The following NDFIP2 variants were observed in gnomAD, a reference collection of about 807,000 sequenced individuals.
NDFIP2 encodes the protein Nedd4 family interacting protein 2, also known as NEDD4 family-interacting protein 2.
Under a neutral mutation model 36.0 loss-of-function variants are expected in NDFIP2, and 19 were observed. The ratio of observed to expected loss-of-function variants is 0.53; its 90% CI spans 0.37 to 0.77. The LOEUF (loss-of-function observed/expected upper bound fraction) is 0.77. Ranked by LOEUF, NDFIP2 falls within the 30% of genes least tolerant of loss-of-function variation. NDFIP2 has a pLI of 0.00. For synonymous variants in NDFIP2, 181 were observed against 167.7 expected (o/e 1.08, Z -0.61); for missense variants, 446 against 435.8 (o/e 1.02, Z -0.21).
rs969308388 is a variant in NDFIP2 at position 79,548,530 on chromosome 13, G to A, written c.907+136G>A. ...CTCATATTCAAACACATCATCTCAC[G>A]TTTTTAAACTATTCTATATAGCACT... On this transcript the variant is annotated intron_variant, in intron 6 of 7. Transcript: ENST00000218652. 5.8e-5 allele frequency: 41 copies of A among 702,022 alleles called. No individual in the cohort carries two copies. The Middle Eastern group carries it at 9.1e-4, about 16-fold the overall frequency. 43.5% of individuals were successfully genotyped at this position (702,022 alleles called of 1,614,324 possible). A position where few individuals can be genotyped will look rare whatever the true frequency, so the allele number is the denominator to read the frequency against.
chr13:79,533,608 C>A, intron 3 of NDFIP2, 152 bp downstream of exon 3: 2 of 537,176 alleles, frequency 3.7e-6, no homozygotes, highest in Non-Finnish European at 3.0e-6. Flanking sequence ...TACTTGTATG[C>A]AGATTGTTTT....
intron 7 of NDFIP2, among the ~76,000 whole-genome samples, chr13:79,551,565 A>G (rs1473174635): frequency 6.6e-6 from 1 of 151,502 alleles, no homozygotes; most frequent in Non-Finnish European, 1.5e-5. Flanking sequence ...TTGAAAAACA[A>G]TTTGTCTTGC....
At chr13:79,519,463 G>A (rs1218073001) in intron 1 of NDFIP2, among the ~76,000 whole-genome samples, 1 of 152,156 alleles carries the variant, frequency 6.6e-6, no homozygotes, top group South Asian at 2.1e-4. Context: ...GTGAGGAATG[G>A]CCATTTCAAA....
rs994532026 is a variant in NDFIP2 at position 79,554,176 on chromosome 13, A to C, written c.*1663A>C. ...TATTAAAATTTTTATTGTTGTATTA[A>C]AGTACCTGTGTTACACCCCTTGAAG... On this transcript the variant is annotated 3_prime_UTR_variant, in exon 8 of 8. Transcript: ENST00000218652. 2.0e-5 allele frequency: 3 copies of C among 151,536 alleles called. No individual in the cohort carries two copies. The highest frequency in any genetic ancestry group is 4.4e-5 in the Non-Finnish European group (3 of 67,606). 9.4% of individuals were successfully genotyped at this position (151,536 alleles called of 1,614,324 possible).
intron 1 of NDFIP2, among the ~76,000 whole-genome samples, chr13:79,512,452 A>G (rs565954972): frequency 5.0e-4 from 74 of 146,970 alleles, no homozygotes; most frequent in Admixed American, 2.5e-3. Flanking sequence ...GCTTTTGAGG[A>G]AAAAAAAAAA....
chr13:79,502,732 A>G (rs1159974695), intron 1 of NDFIP2, among the ~76,000 whole-genome samples: 1 of 152,160 alleles, frequency 6.6e-6, no homozygotes, highest in Non-Finnish European at 1.5e-5. Context: ...TGAAAGCCAC[A>G]TGGTAATGAA....
chr13:79,497,069 T>G (rs1873461068), intron 1 of NDFIP2, among the ~76,000 whole-genome samples: 1 of 152,038 alleles, frequency 6.6e-6, no homozygotes, highest in African/African-American at 2.4e-5. Context: ...TTTTGAGTAT[T>G]CTAGTAATTT....
At chr13:79,532,454 G>C (rs1875053463) in intron 2 of NDFIP2, among the ~76,000 whole-genome samples, 1 of 152,136 alleles carries the variant, frequency 6.6e-6, no homozygotes, top group Non-Finnish European at 1.5e-5. Context: ...TAAGTCTAAT[G>C]AGTTGATTGA....
intron 1 of NDFIP2, among the ~76,000 whole-genome samples, chr13:79,483,476 C>G (rs1251889975): frequency 6.6e-6 from 1 of 152,132 alleles, no homozygotes. Context: ...ATGAACACAA[C>G]TATTTTGTGG....
chr13:79,520,325 C>T (rs1316505013), intron 1 of NDFIP2, among the ~76,000 whole-genome samples: 2 of 152,058 alleles, frequency 1.3e-5, no homozygotes, highest in Non-Finnish European at 2.9e-5. Flanking sequence ...TATGTAATAA[C>T]TCTACTGTTA....
At position 79,481,504 on chromosome 13, in the gene NDFIP2, G is replaced by A; in HGVS notation, c.301G>A (p.Gly101Arg). The change falls in exon 1 of 8, where the codon GGG becomes AGG. Residue 101 changes from glycine (G) to arginine (R), a missense_variant. By Grantham distance (125) the Gly-to-Arg change is moderately radical (BLOSUM62 -2). Transcript: ENST00000218652. ...EPGRMDHHQP[G>R]TGRYQVLLNE... Reference sequence around the variant, plus strand: ...GGGCAGGATGGATCACCACCAGCCGGGGACTGGGCGCTACCAGGTGGTGAG... The same window carrying A: ...GGGCAGGATGGATCACCACCAGCCGAGGACTGGGCGCTACCAGGTGGTGAG... 6.4e-7 allele frequency: 1 copy of A among 1,553,558 alleles called. No homozygotes were observed. Among genetic ancestry groups the A allele is most frequent in the Non-Finnish European group, 8.7e-7 (1 of 1,148,344 alleles).
intron 1 of NDFIP2, among the ~76,000 whole-genome samples, chr13:79,505,400 C>G (rs550321881): frequency 6.6e-6 from 1 of 152,164 alleles, no homozygotes; most frequent in South Asian, 2.1e-4. Context: ...GAGGCCAACA[C>G]AGGGGTATTG....
Position 79,481,382 on chromosome 13 carries a change from G to A in NDFIP2, c.179G>A (p.Gly60Asp), listed in dbSNP as rs934182725. 4 of 1,555,000 alleles carry A rather than the reference G, an allele frequency of 2.6e-6. No individual in the cohort carries two copies. The highest frequency in any genetic ancestry group is 2.4e-5 in the South Asian group (2 of 84,482). Residue 60 changes from glycine (G) to aspartate (D), a missense_variant, in exon 1 of 8, where the codon GGC becomes GAC. By Grantham distance (94) the Gly-to-Asp change is moderately conservative. Around this residue, in one of 2 missense-constraint regions of NDFIP2, gnomAD observed 369 missense variants for 304.8 expected, o/e 1.21. Transcript: ENST00000218652. ...PPGDRGCRNG[G>D]GRGPAATTSS... ...GGAGACCGCGGCTGCAGGAACGGAG[G>A]CGGAAGGGGCCCTGCGGCGACGACG... is the stretch of plus-strand genomic sequence containing the variant.
intron 1 of NDFIP2, among the ~76,000 whole-genome samples, chr13:79,507,856 A>G (rs968344161): frequency 2.0e-5 from 3 of 151,974 alleles, no homozygotes; most frequent in Non-Finnish European, 4.4e-5. Flanking sequence ...AAATGAAATA[A>G]AGTTTTACAT....
rs1018778068 is a variant in NDFIP2, at chr13:79,554,559, A to G, written c.*2046A>G. 6.6e-6 allele frequency: 1 copy of G among 151,868 alleles called. No homozygotes were observed. The highest frequency in any genetic ancestry group is 1.5e-5 in the Non-Finnish European group (1 of 67,792). 9.4% of individuals were successfully genotyped at this position (151,868 alleles called of 1,614,324 possible). A position where few individuals can be genotyped will look rare whatever the true frequency, so the allele number is the denominator to read the frequency against. ...TTTCCCCCCAAATCTGTAAGGTTCA[A>G]GTATACATATTACTGAATCCTCTAT... On this transcript the variant is annotated 3_prime_UTR_variant, in exon 8 of 8. Transcript: ENST00000218652.
chr13:79,546,318 A>G (rs554628229), intron 5 of NDFIP2, among the ~76,000 whole-genome samples: 16 of 152,272 alleles, frequency 1.1e-4, no homozygotes, highest in African/African-American at 3.8e-4. Flanking sequence ...TAGCCTTCTG[A>G]TACTACTTCT....
At position 79,481,306 on chromosome 13, in the gene NDFIP2, G is replaced by A. The variant is rs2079810267; in HGVS notation, c.103G>A (p.Glu35Lys). The A allele has an allele frequency of 6.5e-7, 1 of 1,541,854 alleles. No individual in the cohort carries two copies. Among genetic ancestry groups the A allele is most frequent in the East Asian group, 2.4e-5 (1 of 40,964 alleles). ...ELLRGTATNA[E>K]VSAAAAGATG... The stretch of plus-strand genomic sequence containing the variant: ...TCTCCGCGGAACCGCGACCAACGCG[G>A]AGGTCTCGGCGGCCGCTGCGGGAGC... Residue 35 changes from glutamate to lysine, a missense_variant, in exon 1 of 8, where the codon GAG becomes AAG. Glu to Lys is a moderately conservative substitution (Grantham distance 56). This residue lies in a region of NDFIP2 where 369 missense variants were observed against 304.8 expected (regional missense o/e 1.21). Coordinates refer to ENST00000218652, the MANE Select transcript of NDFIP2 (RefSeq NM_019080.3).
chr13:79,493,383 T>C (rs1032644708), intron 1 of NDFIP2, among the ~76,000 whole-genome samples: 1 of 152,214 alleles, frequency 6.6e-6, no homozygotes, highest in Admixed American at 6.5e-5. Context: ...TTTGCTTTTA[T>C]AATAGTGCTG....
intron 1 of NDFIP2, among the ~76,000 whole-genome samples, chr13:79,483,971 C>CTAGA (rs2079829282): frequency 6.6e-6 from 1 of 152,058 alleles, no homozygotes; most frequent in Non-Finnish European, 1.5e-5. Context: ...CTTGCAGCTG[C>CTAGA]TAGACCACAT....
Sources: gnomAD v4.1 joint callset for allele counts (sites outside exome capture counted in the v4.1 genomes callset) on GRCh38, gnomAD v4.1.1 for gene constraint, gnomAD v4.1.1 regional missense constraint, MANE v1.5 for transcripts, NCBI Gene and HGNC (gene_info 2026-07-23, HGNC 2026-07-21) for gene names.